The following PTBP3 variants were observed in gnomAD, a reference collection of about 807,000 sequenced individuals.
The protein encoded by PTBP3 is polypyrimidine tract-binding protein 3.
Under a neutral mutation model 58.7 loss-of-function variants are expected in PTBP3, and 20 were observed. The observed-to-expected ratio is 0.34, with a 90% CI of 0.24 to 0.50. The LOEUF (loss-of-function observed/expected upper bound fraction) is 0.50. PTBP3 is among the 20% of genes least tolerant of loss of function. PTBP3 has a pLI of 0.98. For missense variants in PTBP3, 509 were observed against 637.2 expected, an observed-to-expected ratio of 0.80 and a Z score of 2.17; for synonymous variants, 185 against 219.8, an observed-to-expected ratio of 0.84 and a Z score of 1.40.
intron 7 of PTBP3, among the ~76,000 whole-genome samples, chr9:112,244,378 G>C (rs1041836587): frequency 2.7e-5 from 4 of 150,782 alleles, no homozygotes; most frequent in Non-Finnish European, 5.9e-5. Flanking sequence ...TTTACTGAGA[G>C]ACATGAACAA....
At chr9:112,291,573 T>C (rs1828430841) in intron 2 of PTBP3, among the ~76,000 whole-genome samples, 1 of 152,154 alleles carries the variant, frequency 6.6e-6, no homozygotes, top group African/African-American at 2.4e-5. Context: ...CACTTACACG[T>C]TCAAATGATC....
intron 9 of PTBP3, 127 bp downstream of exon 9, chr9:112,231,972 A>AGAAGAGAGG (rs1564391418): frequency 4.4e-5 from 15 of 337,360 alleles, no homozygotes; most frequent in Admixed American, 3.3e-4. Flanking sequence ...GAGAAGAGAG[A>AGAAGAGAGG]AGAGAAGAGA....
At chr9:112,225,790 T>A (rs1172231748) in intron 12 of PTBP3, among the ~76,000 whole-genome samples, 1 of 152,310 alleles carries the variant, frequency 6.6e-6, no homozygotes, top group East Asian at 1.9e-4. Flanking sequence ...GGCACAGTCG[T>A]TCACGTCTCT....
At chr9:112,315,622 A>C (rs1031262124) in intron 1 of PTBP3, among the ~76,000 whole-genome samples, 1 of 152,196 alleles carries the variant, frequency 6.6e-6, no homozygotes, top group South Asian at 2.1e-4. Context: ...AAACTATTTT[A>C]AAAAAGAAAG....
chr9:112,241,852 A>G (rs1469639539), intron 7 of PTBP3, among the ~76,000 whole-genome samples: 3 of 152,310 alleles, frequency 2.0e-5, no homozygotes, highest in Non-Finnish European at 4.4e-5. Flanking sequence ...TCTTTCTCAC[A>G]CTATAGATTA....
At position 112,275,821 on chromosome 9, in the gene PTBP3, G is replaced by A. The variant is rs1422137265; in HGVS notation, c.204+23C>T. ...TAACATCTGGAGATAATCACTCTTT[G>A]TCAATCTTTAAATATTACATACCTG... On this transcript the variant is annotated intron_variant, in intron 3 of 13. Coordinates refer to ENST00000374257, the MANE Select transcript of PTBP3 (RefSeq NM_001163788.4). 5 of 1,571,396 alleles carry A rather than the reference G, an allele frequency of 3.2e-6. No individual in the cohort carries two copies. The South Asian group carries it at 4.5e-5, about 14-fold the overall frequency.
At chr9:112,227,651 A>C in intron 11 of PTBP3, 24 bp from the exon 12 acceptor site, 1 of 1,566,474 alleles carries the variant, frequency 6.4e-7, no homozygotes, top group Non-Finnish European at 8.8e-7. Context: ...AGAAAATTTT[A>C]AAGTTTGAGT....
upstream of PTBP3, among the ~76,000 whole-genome samples, chr9:112,337,031 G>C (rs1830582371): frequency 6.6e-6 from 1 of 152,138 alleles, no homozygotes; most frequent in Non-Finnish European, 1.5e-5. Flanking sequence ...CTTTTTGTTT[G>C]TTTGTTTGTT....
chr9:112,332,925 G>A, intron 1 of PTBP3: 1 of 1,549,134 alleles, frequency 6.5e-7, no homozygotes. Context: ...GCCAAGTCCC[G>A]CGGCGGCCCT....
chr9:112,327,420 G>A (rs1271356457), intron 1 of PTBP3, among the ~76,000 whole-genome samples: 1 of 151,462 alleles, frequency 6.6e-6, no homozygotes, highest in Non-Finnish European at 1.5e-5. Context: ...AATTAGCCGA[G>A]CATGGTGGCG....
the PTBP3 span, among the ~76,000 whole-genome samples, chr9:112,345,159 A>G: frequency 6.6e-6 from 1 of 151,888 alleles, no homozygotes; most frequent in Non-Finnish European, 1.5e-5. Flanking sequence ...ATACTTTAAA[A>G]TGGTTAAAAT....
intron 1 of PTBP3, among the ~76,000 whole-genome samples, chr9:112,326,481 C>T (rs1830161978): frequency 6.6e-6 from 1 of 152,140 alleles, no homozygotes; most frequent in African/African-American, 2.4e-5. Context: ...GTTTGCCAAC[C>T]CTTGGTCAAG....
intron 3 of PTBP3, among the ~76,000 whole-genome samples, chr9:112,275,296 C>T (rs1032254498): frequency 7.9e-5 from 12 of 152,022 alleles, no homozygotes; most frequent in Admixed American, 3.9e-4. Flanking sequence ...ACACCTCACC[C>T]GGCTAATTTT....
At chr9:112,246,021 C>T (rs1031078403) in intron 7 of PTBP3, among the ~76,000 whole-genome samples, 13 of 151,452 alleles carry the variant, frequency 8.6e-5, no homozygotes, top group Admixed American at 6.6e-4. Context: ...CTTGCTCTGT[C>T]GCCCAGACTG....
chr9:112,365,736 G>A, the PTBP3 span, among the ~76,000 whole-genome samples: 2 of 152,138 alleles, frequency 1.3e-5, no homozygotes, highest in African/African-American at 4.8e-5. Context: ...ACAGGAAAAC[G>A]TGGAGAAGTT....
the PTBP3 span, among the ~76,000 whole-genome samples, chr9:112,378,938 G>A: frequency 6.6e-6 from 1 of 152,324 alleles, no homozygotes; most frequent in Admixed American, 6.5e-5. Context: ...TGTAATCCCA[G>A]CACTTTGGAA....
At chr9:112,230,838 T>C (rs1835170435) in intron 10 of PTBP3, among the ~76,000 whole-genome samples, 1 of 152,220 alleles carries the variant, frequency 6.6e-6, no homozygotes, top group African/African-American at 2.4e-5. Context: ...TGGAGACTAT[T>C]TTTAAAACCT....
intron 2 of PTBP3, among the ~76,000 whole-genome samples, chr9:112,285,939 TTC>T (rs1271184668): frequency 6.6e-5 from 10 of 152,380 alleles, no homozygotes; most frequent in African/African-American, 2.2e-4. Context: ...ATTTATCTAT[TTC>T]TGTTTTGTTC....
At chr9:112,279,479 A>G (rs1220299941) in intron 2 of PTBP3, among the ~76,000 whole-genome samples, 7 of 152,184 alleles carry the variant, frequency 4.6e-5, no homozygotes, top group African/African-American at 1.4e-4. Flanking sequence ...ATTTTTTAAA[A>G]ATCAACTTTA....
Sources: allele counts gnomAD v4.1 joint callset (sites outside exome capture counted in the v4.1 genomes callset), GRCh38; gene constraint gnomAD v4.1.1; transcripts MANE v1.5; gene names NCBI Gene and HGNC (gene_info 2026-07-23, HGNC 2026-07-21).